RIMKLB: variants seen among roughly 807,000 people sequenced by gnomAD.
RIMKLB encodes ribosomal modification protein rimK like family member B.
Under a neutral mutation model 32.0 loss-of-function variants are expected in RIMKLB, and 7 were observed. That is an observed-to-expected ratio of 0.22 (90% CI 0.12 to 0.41). The LOEUF (loss-of-function observed/expected upper bound fraction) is 0.41, where lower values mean the gene tolerates loss of function less well. Among genes scored for constraint, RIMKLB ranks in the 10% least tolerant of loss-of-function variants. The pLI, the probability that RIMKLB is intolerant of heterozygous loss-of-function variation, is 1.00. For missense variants in RIMKLB, 289 were observed against 498.7 expected, an observed-to-expected ratio of 0.58 and a Z score of 4.00; for synonymous variants, 172 against 185.1, an observed-to-expected ratio of 0.93 and a Z score of 0.57.
At chr12:8,708,607 T>C (rs1006703324) in intron 1 of RIMKLB, among the ~76,000 whole-genome samples, 1 of 152,184 alleles carries the variant, frequency 6.6e-6, no homozygotes, top group Non-Finnish European at 1.5e-5. Context: ...TGAAAAACTT[T>C]TAAAGTAGAA....
the RIMKLB span, among the ~76,000 whole-genome samples, chr12:8,676,382 C>CTTTTTTTTTTTT: frequency 5.4e-5 from 2 of 37,310 alleles, no homozygotes; most frequent in Non-Finnish European, 9.3e-5. Context: ...CCCCCAACAG[C>CTTTTTTTTTTTT]TTTTTTTTTT....
Position 8,776,431 on chromosome 12 carries a change from A to G in RIMKLB, c.*2647A>G, listed in dbSNP as rs1950730038. ...AGATATTTAGGTTAAACTTATTTTC[A>G]TAATTGTTTAATAACTTTTGTATAA... On this transcript the variant is annotated 3_prime_UTR_variant, in exon 6 of 6. Transcript: ENST00000535829. The G allele has an allele frequency of 1.1e-6, 1 of 907,512 alleles. No individual in the cohort carries two copies. The highest frequency in any genetic ancestry group is 1.3e-6 in the Non-Finnish European group (1 of 759,178). The allele number at this position is 907,512 out of a possible 1,614,324, so 56.2% of individuals were successfully genotyped here.
intron 5 of RIMKLB, among the ~76,000 whole-genome samples, chr12:8,765,876 G>T (rs1949916369): frequency 6.6e-6 from 1 of 152,140 alleles, no homozygotes; most frequent in South Asian, 2.1e-4. Context: ...TTGTACATAT[G>T]GCACTTCACT....
chr12:8,777,552 A>C, downstream of RIMKLB: 2 of 1,250,940 alleles, frequency 1.6e-6, no homozygotes, highest in Non-Finnish European at 2.1e-6. Flanking sequence ...TTTTAAAGAA[A>C]TATTCTAACT....
At chr12:8,672,569 C>G in the RIMKLB span, among the ~76,000 whole-genome samples, 1 of 152,076 alleles carries the variant, frequency 6.6e-6, no homozygotes, top group Non-Finnish European at 1.5e-5. Context: ...TCTCATGAGA[C>G]TTAATCACTA....
Position 8,773,891 on chromosome 12 carries a change from G to A in RIMKLB, c.*107G>A. 6.8e-7 allele frequency: 1 copy of A among 1,459,956 alleles called. No homozygotes were observed. The highest frequency in any genetic ancestry group is 9.0e-7 in the Non-Finnish European group (1 of 1,108,032). 90.4% of individuals were successfully genotyped at this position (1,459,956 alleles called of 1,614,324 possible). A position where few individuals can be genotyped will look rare whatever the true frequency, so the allele number is the denominator to read the frequency against. The stretch of plus-strand genomic sequence containing the variant: ...TCATGGAGGATGCTCAGGAAGATGA[G>A]AGAAAATTAGTAGGATTAGTTGGAG... On this transcript the variant is annotated 3_prime_UTR_variant, in exon 6 of 6. Transcript: ENST00000535829.
intron 5 of RIMKLB, 48 bp downstream of exon 5, chr12:8,754,141 A>G (rs758765884): frequency 1.0e-5 from 14 of 1,373,208 alleles, no homozygotes; most frequent in Admixed American, 3.4e-5. Context: ...AACATTTATA[A>G]TTGTCCAGTG....
chr12:8,770,518 T>C (rs868166895), intron 5 of RIMKLB, among the ~76,000 whole-genome samples: 7 of 152,202 alleles, frequency 4.6e-5, no homozygotes, highest in African/African-American at 7.2e-5. Context: ...ACTCCTCATA[T>C]TCATCTTCCC....
chr12:8,755,032 A>G (rs1023114282), intron 5 of RIMKLB, among the ~76,000 whole-genome samples: 10 of 152,220 alleles, frequency 6.6e-5, no homozygotes, highest in Admixed American at 2.6e-4. Flanking sequence ...GCTCACTGCA[A>G]CCTCCACCTC....
upstream of RIMKLB, chr12:8,678,634 C>T (rs1232412541): frequency 6.6e-6 from 1 of 152,160 alleles, no homozygotes; most frequent in Non-Finnish European, 1.5e-5. Context: ...AGTGGTCTTT[C>T]TTATGTCTAA....
At chr12:8,777,642 A>G, downstream of RIMKLB, 5 of 1,289,328 alleles carry the variant, frequency 3.9e-6, no homozygotes, top group Non-Finnish European at 4.0e-6. Context: ...ATACCCAGAG[A>G]AAAAACTTTC....
intron 5 of RIMKLB, among the ~76,000 whole-genome samples, chr12:8,757,695 TA>T (rs1231838866): frequency 6.6e-6 from 1 of 152,172 alleles, no homozygotes; most frequent in Non-Finnish European, 1.5e-5. Context: ...AACTAGTTAT[TA>T]TTTTATGTTA....
chr12:8,754,935 A>G (rs1287011437), intron 5 of RIMKLB, among the ~76,000 whole-genome samples: 1 of 152,058 alleles, frequency 6.6e-6, no homozygotes, highest in Non-Finnish European at 1.5e-5. Flanking sequence ...GACCACAGGC[A>G]CATGCCACCA....
chr12:8,759,678 C>T (rs1949356293), intron 5 of RIMKLB, among the ~76,000 whole-genome samples: 1 of 152,012 alleles, frequency 6.6e-6, no homozygotes, highest in Non-Finnish European at 1.5e-5. Context: ...ATATGTCCGC[C>T]CCAGATCTCA....
chr12:8,712,156 T>C (rs1353463646), intron 1 of RIMKLB, among the ~76,000 whole-genome samples: 1 of 152,226 alleles, frequency 6.6e-6, no homozygotes, highest in South Asian at 2.1e-4. Flanking sequence ...TTCATTTTAA[T>C]GAGCCTGGTC....
At chr12:8,763,609 GTATT>G (rs1481730224) in intron 5 of RIMKLB, among the ~76,000 whole-genome samples, 1 of 152,244 alleles carries the variant, frequency 6.6e-6, no homozygotes, top group Admixed American at 6.5e-5. Flanking sequence ...TTAGCCCTAA[GTATT>G]TAACCTGCTG....
chr12:8,730,013 A>G (rs1946395319), intron 2 of RIMKLB, among the ~76,000 whole-genome samples: 1 of 152,208 alleles, frequency 6.6e-6, no homozygotes, highest in Non-Finnish European at 1.5e-5. Context: ...TCCTTGGGAT[A>G]ATACTGACAC....
intron 5 of RIMKLB, among the ~76,000 whole-genome samples, chr12:8,760,519 A>C (rs1185370744): frequency 6.6e-6 from 1 of 152,232 alleles, no homozygotes; most frequent in Non-Finnish European, 1.5e-5. Flanking sequence ...GAATTGCCAC[A>C]CTGTCTTCCA....
At chr12:8,778,039 C>T (rs766157819), downstream of RIMKLB, among the ~76,000 whole-genome samples, 4 of 152,112 alleles carry the variant, frequency 2.6e-5, no homozygotes, top group Admixed American at 6.5e-5. Context: ...TAGATGACTC[C>T]ATTTCTTGCA....
Sources: allele counts gnomAD v4.1 joint callset (sites outside exome capture counted in the v4.1 genomes callset), GRCh38; gene constraint gnomAD v4.1.1; transcripts MANE v1.5; gene names NCBI Gene and HGNC (gene_info 2026-07-23, HGNC 2026-07-21).